The following ACCSL variants were observed in gnomAD, a reference collection of about 807,000 sequenced individuals.
ACCSL encodes probable inactive 1-aminocyclopropane-1-carboxylate synthase-like protein 2.
In ACCSL, 55 loss-of-function variants were observed where a neutral mutation model predicts 61.7. That is an observed-to-expected ratio of 0.89 (90% CI 0.72 to 1.12). The LOEUF (loss-of-function observed/expected upper bound fraction) is 1.12, where lower values mean the gene tolerates loss of function less well. ACCSL is among the 50% of genes most tolerant of loss of function. The probability of loss-of-function intolerance (pLI) is 0.00; values close to 1 mark genes in which losing one functional copy is unlikely to be tolerated. For missense variants in ACCSL, 632 were observed against 698.0 expected, an observed-to-expected ratio of 0.91 and a Z score of 1.07; for synonymous variants, 258 against 264.3, an observed-to-expected ratio of 0.98 and a Z score of 0.23.
Position 44,053,516 on chromosome 11 carries a change from C to T in ACCSL, c.1049+10C>T. ...TGGAATTTGCCAAGAGGTATGAGTTCTACCCCTTGAGACTAGGTAATGTTT... is the reference window on the plus strand; with the variant it reads ...TGGAATTTGCCAAGAGGTATGAGTTTTACCCCTTGAGACTAGGTAATGTTT... On this transcript the variant is annotated intron_variant, in intron 8 of 13. Transcript: ENST00000378832. The T allele has an allele frequency of 6.2e-7, 1 of 1,602,282 alleles. No homozygotes were observed. The highest frequency in any genetic ancestry group is 8.6e-7 in the Non-Finnish European group (1 of 1,169,240).
the ACCSL span, among the ~76,000 whole-genome samples, chr11:44,017,606 A>C: frequency 6.6e-6 from 1 of 152,148 alleles, no homozygotes; most frequent in Non-Finnish European, 1.5e-5. Context: ...TCATGAGAAG[A>C]GTGCAGCCAG....
intron 13 of ACCSL, 40 bp from the exon 14 acceptor site, chr11:44,059,798 T>G (rs1417162865): frequency 6.3e-7 from 1 of 1,587,848 alleles, no homozygotes; most frequent in Non-Finnish European, 8.6e-7. Context: ...GCAAACCTAC[T>G]AAATCACTAT....
At chr11:44,018,228 A>T in the ACCSL span, among the ~76,000 whole-genome samples, 1 of 152,146 alleles carries the variant, frequency 6.6e-6, no homozygotes, top group South Asian at 2.1e-4. Flanking sequence ...TATCTGAGAG[A>T]GGGTGAGCTT....
the ACCSL span, among the ~76,000 whole-genome samples, chr11:44,000,056 G>A: frequency 6.6e-6 from 1 of 152,114 alleles, no homozygotes; most frequent in African/African-American, 2.4e-5. Flanking sequence ...AGCGGGGGCG[G>A]ATCACTTGAG....
the ACCSL span, among the ~76,000 whole-genome samples, chr11:43,968,767 A>G: frequency 1.3e-5 from 2 of 152,120 alleles, no homozygotes; most frequent in Admixed American, 6.5e-5. Flanking sequence ...GAGATTCACA[A>G]CTAGTTTTTC....
intron 11 of ACCSL, among the ~76,000 whole-genome samples, chr11:44,057,936 G>T (rs1407711496): frequency 6.6e-6 from 1 of 152,210 alleles, no homozygotes; most frequent in Non-Finnish European, 1.5e-5. Context: ...ACTTTGGGAG[G>T]CAGAGGCAGG....
At chr11:44,052,859 G>T in intron 6 of ACCSL, 100 bp downstream of exon 6, 1 of 1,433,352 alleles carries the variant, frequency 7.0e-7, no homozygotes, top group Non-Finnish European at 9.8e-7. Context: ...CCATCTAAGT[G>T]GTTGGGTAGG....
At chr11:43,964,080 A>C in the ACCSL span, among the ~76,000 whole-genome samples, 3 of 151,292 alleles carry the variant, frequency 2.0e-5, no homozygotes, top group Admixed American at 6.6e-5. Flanking sequence ...TTAAAAAAAA[A>C]ACAATTAATT....
At chr11:43,924,273 C>T in the ACCSL span, among the ~76,000 whole-genome samples, 1 of 152,248 alleles carries the variant, frequency 6.6e-6, no homozygotes, top group East Asian at 1.9e-4. Context: ...GGAGAGACAG[C>T]CCTGGAGGGC....
chr11:43,924,099 G>A, the ACCSL span, among the ~76,000 whole-genome samples: 1 of 152,222 alleles, frequency 6.6e-6, no homozygotes, highest in African/African-American at 2.4e-5. Flanking sequence ...GGAAAGTGGG[G>A]AGGGAGCTTA....
At position 44,048,565 on chromosome 11, in the gene ACCSL, GC is replaced by G; in HGVS notation, c.504+26del. 2.7e-5 allele frequency: 5 copies of G among 182,112 alleles called. No homozygotes were observed. The South Asian group carries it at 2.9e-4, about 11-fold the overall frequency. The allele number at this position is 182,112 out of a possible 1,614,324, so 11.3% of individuals were successfully genotyped here. ...GGTGAGAATTTGGGGTGGGGGGTGG[GC>G]AGCATCCTCACGGGCTCCAGTCACT... On this transcript the variant is annotated intron_variant, in intron 1 of 13. Coordinates refer to ENST00000378832, the MANE Select transcript of ACCSL (RefSeq NM_001031854.2).
upstream of ACCSL, among the ~76,000 whole-genome samples, chr11:44,044,892 C>T (rs939999379): frequency 3.3e-5 from 5 of 152,178 alleles, no homozygotes; most frequent in Admixed American, 6.5e-5. Context: ...AGAAGGCCCC[C>T]GGGTGAATGG....
At chr11:43,974,794 C>A in the ACCSL span, among the ~76,000 whole-genome samples, 1 of 152,200 alleles carries the variant, frequency 6.6e-6, no homozygotes, top group South Asian at 2.1e-4. Context: ...ACCTTGGAAG[C>A]AGATCCTCCC....
chr11:44,051,077 G>A (rs751921857), intron 3 of ACCSL, among the ~76,000 whole-genome samples: 2 of 152,132 alleles, frequency 1.3e-5, no homozygotes, highest in Non-Finnish European at 2.9e-5. Flanking sequence ...TCCTGACCTT[G>A]TGATCCACCC....
chr11:43,979,846 C>CA, the ACCSL span, among the ~76,000 whole-genome samples: 4,193 of 49,936 alleles, frequency 0.084, 326 homozygotes, highest in African/African-American at 0.23. Context: ...GACTCTGTCT[C>CA]AAAAAAAAAA....
the ACCSL span, among the ~76,000 whole-genome samples, chr11:43,953,982 C>T: frequency 7.2e-5 from 11 of 152,230 alleles, no homozygotes; most frequent in South Asian, 1.9e-3. Context: ...GACCCCTTTT[C>T]GGTAACCTGT....
At chr11:43,990,313 A>G in the ACCSL span, among the ~76,000 whole-genome samples, 1 of 152,324 alleles carries the variant, frequency 6.6e-6, no homozygotes, top group Admixed American at 6.5e-5. Context: ...ATAGTAATTT[A>G]TGTCTCATTG....
At chr11:43,925,745 G>A in the ACCSL span, among the ~76,000 whole-genome samples, 2 of 152,110 alleles carry the variant, frequency 1.3e-5, no homozygotes, top group Non-Finnish European at 2.9e-5. Context: ...TGGACCCAGG[G>A]TTGAATCCCA....
chr11:43,974,476 T>C, the ACCSL span, among the ~76,000 whole-genome samples: 1 of 152,230 alleles, frequency 6.6e-6, no homozygotes, highest in Admixed American at 6.5e-5. Context: ...TCTTGAGACC[T>C]TTAACTTAAT....
Sources: allele counts gnomAD v4.1 joint callset (sites outside exome capture counted in the v4.1 genomes callset), GRCh38; gene constraint gnomAD v4.1.1; transcripts MANE v1.5; gene names NCBI Gene and HGNC (gene_info 2026-07-23, HGNC 2026-07-21).